The following TPST1 variants were observed in gnomAD, a reference collection of about 807,000 sequenced individuals.
The protein encoded by TPST1 is tyrosylprotein sulfotransferase 1, also known as protein-tyrosine sulfotransferase 1.
Under a neutral mutation model 34.8 loss-of-function variants are expected in TPST1, and 20 were observed. That is an observed-to-expected ratio of 0.57 (90% CI 0.40 to 0.84). The LOEUF (loss-of-function observed/expected upper bound fraction) is 0.84. Ranked by LOEUF, TPST1 falls within the 40% of genes least tolerant of loss-of-function variation. The pLI is 0.00. For synonymous variants in TPST1, 152 were observed against 159.4 expected, an observed-to-expected ratio of 0.95 and a Z score of 0.35; for missense variants, 353 against 455.5, an observed-to-expected ratio of 0.78 and a Z score of 2.05.
At chr7:66,311,064 A>G (rs922829734) in intron 3 of TPST1, among the ~76,000 whole-genome samples, 3 of 151,912 alleles carry the variant, frequency 2.0e-5, no homozygotes, top group African/African-American at 7.3e-5. Flanking sequence ...CAAAGCAACA[A>G]CCATGGAGTT....
intron 1 of TPST1, among the ~76,000 whole-genome samples, chr7:66,213,877 G>A (rs1789330507): frequency 6.6e-6 from 1 of 151,958 alleles, no homozygotes; most frequent in Admixed American, 6.6e-5. Context: ...TTCTTGCTAC[G>A]ATGAATGACT....
At chr7:66,259,523 A>G (rs1790444493) in intron 2 of TPST1, among the ~76,000 whole-genome samples, 1 of 150,620 alleles carries the variant, frequency 6.6e-6, no homozygotes. Flanking sequence ...TTCCTTCAGG[A>G]CTCCAATTAC....
intron 2 of TPST1, among the ~76,000 whole-genome samples, chr7:66,264,654 C>T (rs1475817026): frequency 2.0e-5 from 3 of 151,596 alleles, no homozygotes; most frequent in South Asian, 2.1e-4. Context: ...CAAACAACTA[C>T]AACAATAAGC....
chr7:66,216,712 C>T (rs1009269132), intron 1 of TPST1, among the ~76,000 whole-genome samples: 4 of 152,206 alleles, frequency 2.6e-5, no homozygotes, highest in African/African-American at 7.2e-5. Flanking sequence ...TCGTGATCTG[C>T]GTGCCTCAGC....
At chr7:66,216,841 T>G (rs1224830078) in intron 1 of TPST1, among the ~76,000 whole-genome samples, 2 of 152,362 alleles carry the variant, frequency 1.3e-5, no homozygotes, top group South Asian at 2.1e-4. Context: ...AATACAGGTG[T>G]TTACGCTATA....
rs1792663040 is a variant in TPST1 at position 66,360,198 on chromosome 7, G to T, written c.*333G>T. On this transcript the variant is annotated 3_prime_UTR_variant, in exon 6 of 6. Transcript: ENST00000304842. ...TATGACGTTTGTTTTCAAGGAGAGG[G>T]TTTAAAAATGGGATCCTGTAAGCAG... The T allele has an allele frequency of 3.2e-6, 1 of 307,874 alleles. No individual in the cohort carries two copies. Among genetic ancestry groups the T allele is most frequent in the African/African-American group, 2.2e-5 (1 of 46,114 alleles). 19.1% of individuals were successfully genotyped at this position (307,874 alleles called of 1,614,324 possible).
At chr7:66,255,028 TC>T (rs1790355705) in intron 2 of TPST1, among the ~76,000 whole-genome samples, 1 of 150,818 alleles carries the variant, frequency 6.6e-6, no homozygotes, top group Admixed American at 6.6e-5. Flanking sequence ...GCGCCTGTAG[TC>T]CCAGCTACTC....
intron 3 of TPST1, among the ~76,000 whole-genome samples, chr7:66,334,363 C>T (rs1405292809): frequency 6.6e-6 from 1 of 152,060 alleles, no homozygotes; most frequent in Non-Finnish European, 1.5e-5. Context: ...AGGCTGGGCG[C>T]GGTGGCTCAC....
intron 2 of TPST1, among the ~76,000 whole-genome samples, chr7:66,273,978 G>A (rs941656797): frequency 2.0e-5 from 3 of 151,676 alleles, no homozygotes; most frequent in East Asian, 3.9e-4. Context: ...AATTTTTGTT[G>A]TTGTTTTCTT....
At chr7:66,328,836 C>CT (rs1378525836) in intron 3 of TPST1, among the ~76,000 whole-genome samples, 2 of 141,740 alleles carry the variant, frequency 1.4e-5, no homozygotes, top group African/African-American at 2.6e-5. Flanking sequence ...CTCTCTCTCT[C>CT]TTTCTCACTC....
chr7:66,210,516 T>A (rs1789221355), intron 1 of TPST1, among the ~76,000 whole-genome samples: 1 of 152,174 alleles, frequency 6.6e-6, no homozygotes, highest in South Asian at 2.1e-4. Context: ...TCCACAGGGA[T>A]TCTGTATCAT....
chr7:66,323,174 C>T (rs1312452654), intron 3 of TPST1, among the ~76,000 whole-genome samples: 1 of 152,102 alleles, frequency 6.6e-6, no homozygotes, highest in African/African-American at 2.4e-5. Context: ...AGATACATGA[C>T]TTGCAAAATT....
intron 3 of TPST1, among the ~76,000 whole-genome samples, chr7:66,343,393 G>C (rs771063192): frequency 6.6e-5 from 10 of 152,050 alleles, no homozygotes; most frequent in Non-Finnish European, 1.5e-4. Context: ...GTAGACACTG[G>C]GTACTGCAAG....
At chr7:66,359,487 C>T (rs962077034) in intron 5 of TPST1, 1 of 182,786 alleles carries the variant, frequency 5.5e-6, no homozygotes, top group African/African-American at 2.4e-5. Flanking sequence ...GTCTTGACCC[C>T]TGGACACTTT....
chr7:66,224,129 T>C (rs1473932907), intron 1 of TPST1, among the ~76,000 whole-genome samples: 3 of 152,198 alleles, frequency 2.0e-5, no homozygotes, highest in Non-Finnish European at 4.4e-5. Flanking sequence ...GGAAAAGGTG[T>C]TCCCATGTTG....
intron 1 of TPST1, among the ~76,000 whole-genome samples, chr7:66,239,657 T>C (rs1432899353): frequency 2.0e-5 from 3 of 152,220 alleles, no homozygotes; most frequent in Admixed American, 6.5e-5. Context: ...GAGATCAGCC[T>C]TGGGTTGGAC....
chr7:66,340,676 T>C (rs1177848322), intron 3 of TPST1, among the ~76,000 whole-genome samples: 1 of 152,086 alleles, frequency 6.6e-6, no homozygotes, highest in East Asian at 1.9e-4. Flanking sequence ...AGGCATGAAC[T>C]TAACCAAATA....
chr7:66,259,350 A>G (rs1049362268), intron 2 of TPST1, among the ~76,000 whole-genome samples: 2 of 152,156 alleles, frequency 1.3e-5, no homozygotes, highest in African/African-American at 4.8e-5. Flanking sequence ...ATCATTTTCA[A>G]TCCATAGAAT....
intron 3 of TPST1, among the ~76,000 whole-genome samples, chr7:66,324,139 A>G (rs1019335441): frequency 6.6e-6 from 1 of 152,248 alleles, no homozygotes; most frequent in African/African-American, 2.4e-5. Context: ...GCTGGGTGAA[A>G]TAAGCCAGAC....
Sources: gnomAD v4.1 joint callset for allele counts (sites outside exome capture counted in the v4.1 genomes callset) on GRCh38, gnomAD v4.1.1 for gene constraint, MANE v1.5 for transcripts, NCBI Gene and HGNC (gene_info 2026-07-23, HGNC 2026-07-21) for gene names.